The following ABCC11 variants were observed in gnomAD, a reference collection of about 807,000 sequenced individuals.
The protein encoded by ABCC11 is ATP binding cassette subfamily C member 11.
In ABCC11, 135 loss-of-function variants were observed where a neutral mutation model predicts 149.3. That is an observed-to-expected ratio of 0.90 (90% CI 0.79 to 1.04). ABCC11 has a LOEUF of 1.04. Among genes scored for constraint, ABCC11 ranks in the 50% least tolerant of loss-of-function variants. The pLI, the probability that ABCC11 is intolerant of heterozygous loss-of-function variation, is 0.00. For synonymous variants in ABCC11, 665 were observed against 671.4 expected (o/e 0.99, Z 0.15); for missense variants, 1,680 against 1,722.1 (o/e 0.98, Z 0.43).
chr16:48,234,434 C>T (rs1306402341), intron 1 of ABCC11, among the ~76,000 whole-genome samples: 1 of 151,856 alleles, frequency 6.6e-6, no homozygotes, highest in Non-Finnish European at 1.5e-5. Context: ...AAAATTTGAC[C>T]GATGATTGTC....
intron 3 of ABCC11, among the ~76,000 whole-genome samples, chr16:48,229,403 G>C (rs1970282099): frequency 1.4e-5 from 2 of 146,156 alleles, no homozygotes; most frequent in South Asian, 4.4e-4. Flanking sequence ...AAAAATCTTA[G>C]AAAACATGTT....
At position 48,195,241 on chromosome 16, in the gene ABCC11, A is replaced by C. The variant is rs368593242; in HGVS notation, c.2404+991T>G. 9.9e-5 allele frequency among the ~76,000 whole-genome samples: 15 copies of C among 152,044 alleles called. No individual in the cohort carries two copies. In the East Asian group the frequency reaches 2.7e-3, roughly 27 times the overall value. ...AGGGTTGGTTCTTAGATGACTTTAT[A>C]CCCCTCCCCTCTAGAGCTTGGCACA... On this transcript the variant is annotated intron_variant, in intron 18 of 29. Coordinates refer to ENST00000356608, the MANE Select transcript of ABCC11 (RefSeq NM_001370497.1).
chr16:48,236,041 C>A (rs982261766), intron 1 of ABCC11, among the ~76,000 whole-genome samples: 1 of 152,166 alleles, frequency 6.6e-6, no homozygotes, highest in Non-Finnish European at 1.5e-5. Flanking sequence ...GCCAGAAGCA[C>A]CTGCCAGCTG....
rs1425628031 is a variant in ABCC11, at chr16:48,196,327, T to A, written c.2315-6A>T. 1.9e-6 allele frequency: 3 copies of A among 1,613,524 alleles called. No individual in the cohort carries two copies. The African/African-American group carries it at 4.0e-5, about 22-fold the overall frequency. The stretch of plus-strand genomic sequence containing the variant: ...TGTGAGCTGATGCTCCGGCACTGGG[T>A]CAGGGTAGAAGAAGAGAAAAGTGGT... On this transcript the variant is annotated splice_region_variant and splice_polypyrimidine_tract_variant and intron_variant, in intron 17 of 29. Transcript: ENST00000356608.
At chr16:48,197,935 A>C (rs777576306) in intron 17 of ABCC11, 36 bp downstream of exon 17, 3 of 1,607,344 alleles carry the variant, frequency 1.9e-6, no homozygotes, top group Non-Finnish European at 1.7e-6. Context: ...CCAGGCAGGC[A>C]TGCAGACATT....
chr16:48,199,049 T>G (rs1419372331), intron 15 of ABCC11, among the ~76,000 whole-genome samples: 1 of 150,610 alleles, frequency 6.6e-6, no homozygotes, highest in Non-Finnish European at 1.5e-5. Context: ...AATATATATA[T>G]ATATCTATAT....
At chr16:48,198,403 T>C in intron 15 of ABCC11, 128 bp from the exon 16 acceptor site, 3 of 1,075,736 alleles carry the variant, frequency 2.8e-6, no homozygotes, top group Non-Finnish European at 2.6e-6. Flanking sequence ...TGAGCAAACA[T>C]TCAAAAGTTG....
intron 1 of ABCC11, among the ~76,000 whole-genome samples, chr16:48,234,967 C>T (rs569061589): frequency 7.2e-5 from 11 of 152,274 alleles, no homozygotes; most frequent in East Asian, 5.8e-4. Flanking sequence ...TAGACAGAGC[C>T]TTTAGTGAGA....
At position 48,167,671 on chromosome 16, in the gene ABCC11, C is replaced by A. The variant is rs745597673; in HGVS notation, c.3892-11G>T. 1.2e-6 allele frequency: 2 copies of A among 1,613,736 alleles called. No individual in the cohort carries two copies. Among genetic ancestry groups the A allele is most frequent in the Non-Finnish European group, 1.7e-6 (2 of 1,179,900 alleles). ...ATCGATAAGGATGATCTGATGAATA[C>A]AAAACAGGGGTGAAGGTGTCTACTT... On this transcript the variant is annotated splice_polypyrimidine_tract_variant and intron_variant, in intron 28 of 29. Transcript: ENST00000356608.
chr16:48,210,803 C>T (rs1596781097), intron 11 of ABCC11, 145 bp downstream of exon 11: 2 of 1,141,566 alleles, frequency 1.8e-6, no homozygotes, highest in East Asian at 2.5e-5. Flanking sequence ...TGTTTGCCCT[C>T]CATGAAAAAT....
Position 48,176,942 on chromosome 16 carries a change from C to G in ABCC11, c.3520G>C (p.Val1174Leu). Residue 1174 changes from valine (V) to leucine (L), a missense_variant, in exon 25 of 30, where the codon GTG (valine) becomes CTG (leucine). Physicochemically the swap from Val to Leu is conservative, Grantham distance 32 (BLOSUM62 1). Coordinates refer to ENST00000356608, the MANE Select transcript of ABCC11 (RefSeq NM_001370497.1). ...AGCTCACCAGAGCCCGTCCTTCCCA[C>G]GATGCCCACCACTTCGTGGCCGCGG... ...TIRGHEVVGI[V>L]GRTGSGKSSL... 6.2e-7 allele frequency: 1 copy of G among 1,613,876 alleles called. No homozygotes were observed. Among genetic ancestry groups the G allele is most frequent in the Non-Finnish European group, 8.5e-7 (1 of 1,179,966 alleles).
intron 28 of ABCC11, among the ~76,000 whole-genome samples, chr16:48,169,658 T>C (rs150378677): frequency 0.018 from 2,679 of 151,268 alleles, 52 homozygotes; most frequent in Non-Finnish European, 0.023. Context: ...CAGCAAACTA[T>C]TGCAAGGACA....
chr16:48,167,161 C>G lies in ABCC11; in HGVS notation c.*113G>C. 2 of 482,104 alleles carry G rather than the reference C, an allele frequency of 4.1e-6. No homozygotes were observed. Among genetic ancestry groups the G allele is most frequent in the Non-Finnish European group, 8.3e-6 (2 of 242,204 alleles). 29.9% of individuals were successfully genotyped at this position (482,104 alleles called of 1,614,324 possible). A position where few individuals can be genotyped will look rare whatever the true frequency, so the allele number is the denominator to read the frequency against. On this transcript the variant is annotated 3_prime_UTR_variant, in exon 30 of 30. Transcript: ENST00000356608. ...ACCCCCCCTACATTTACCCCTGCTT[C>G]CAGGAGAAGTTCTCATCTCCAAACA...
intron 1 of ABCC11, among the ~76,000 whole-genome samples, chr16:48,238,808 G>C (rs1030738998): frequency 6.6e-6 from 1 of 151,324 alleles, no homozygotes; most frequent in Non-Finnish European, 1.5e-5. Context: ...TTGGTGGTGG[G>C]AACCTGTAGT....
chr16:48,205,649 C>T, intron 12 of ABCC11, 112 bp from the exon 13 acceptor site: 1 of 1,394,044 alleles, frequency 7.2e-7, no homozygotes, highest in Non-Finnish European at 9.6e-7. Context: ...CTTGGGGGCT[C>T]TCCTAGGTAA....
intron 24 of ABCC11, among the ~76,000 whole-genome samples, chr16:48,178,330 C>A (rs973178611): frequency 1.3e-5 from 2 of 152,140 alleles, no homozygotes; most frequent in African/African-American, 2.4e-5. Flanking sequence ...TTGCACTGGG[C>A]AAACCTCTCA....
In ABCC11 at chr16:48,167,654, G is replaced by C; in HGVS notation, c.3898C>G (p.Leu1300Val). The change falls in exon 29 of 30, where the codon CTT becomes GTT. Residue 1300 changes from leucine (L) to valine (V), a missense_variant. Physicochemically the swap from Leu to Val is conservative, Grantham distance 32 (BLOSUM62 1). Transcript: ENST00000356608. ...ATGGAGGCTGTGGCTTCATCGATAA[G>C]GATGATCTGATGAATACAAAACAGG... Reference protein sequence around the residue: ...RAVLRNSKIILIDEATASIDM... With the variant: ...RAVLRNSKIIVIDEATASIDM... 6.2e-7 allele frequency: 1 copy of C among 1,614,130 alleles called. No homozygotes were observed. The highest frequency in any genetic ancestry group is 8.5e-7 in the Non-Finnish European group (1 of 1,180,036).
At chr16:48,240,011 A>G (rs1295156221) in intron 1 of ABCC11, among the ~76,000 whole-genome samples, 1 of 152,238 alleles carries the variant, frequency 6.6e-6, no homozygotes, top group Non-Finnish European at 1.5e-5. Context: ...AATTATTAAA[A>G]AGTCAAGAAA....
Position 48,193,885 on chromosome 16 carries a change from G to T in ABCC11, c.2502C>A (p.Gly834=). Residue 834 remains glycine (G), a synonymous_variant, in exon 19 of 30, where the codon GGC becomes GGA. Transcript: ENST00000356608. ...FWWLSYWLEQ[G]SGTNSSRESN... Reference sequence around the variant, plus strand: ...TCCACCTCATGGCACTCACCCCCGAGCCCTGCTCCAACCAGTAGCTCAGCC... The same window carrying T: ...TCCACCTCATGGCACTCACCCCCGATCCCTGCTCCAACCAGTAGCTCAGCC... 6.2e-7 allele frequency: 1 copy of T among 1,613,376 alleles called. No individual in the cohort carries two copies. Among genetic ancestry groups the T allele is most frequent in the South Asian group, 1.1e-5 (1 of 91,042 alleles).
Sources: gnomAD v4.1 joint callset for allele counts (sites outside exome capture counted in the v4.1 genomes callset) on GRCh38, gnomAD v4.1.1 for gene constraint, MANE v1.5 for transcripts, NCBI Gene and HGNC (gene_info 2026-07-23, HGNC 2026-07-21) for gene names.